The following PKP4 variants were observed in gnomAD, a reference collection of about 807,000 sequenced individuals.
The protein encoded by PKP4 is plakophilin 4.
In PKP4, 90 loss-of-function variants were observed where a neutral mutation model predicts 145.1. That is an observed-to-expected ratio of 0.62 (90% CI 0.52 to 0.74). The LOEUF (loss-of-function observed/expected upper bound fraction) is 0.74, where lower values mean the gene tolerates loss of function less well. Among genes scored for constraint, PKP4 ranks in the 30% least tolerant of loss-of-function variants. The pLI, the probability that PKP4 is intolerant of heterozygous loss-of-function variation, is 0.00. For missense variants in PKP4, 1,340 were observed against 1,482.7 expected (o/e 0.90, Z 1.58); for synonymous variants, 563 against 577.2 (o/e 0.98, Z 0.35).
chr2:158,492,938 C>A (rs897745443), intron 1 of PKP4, among the ~76,000 whole-genome samples: 1 of 151,976 alleles, frequency 6.6e-6, no homozygotes, highest in Non-Finnish European at 1.5e-5. Flanking sequence ...TTTATTTCCT[C>A]CCTACCTAAT....
At chr2:158,483,024 C>A (rs942639169) in intron 1 of PKP4, among the ~76,000 whole-genome samples, 1 of 151,952 alleles carries the variant, frequency 6.6e-6, no homozygotes, top group Admixed American at 6.6e-5. Context: ...ATGGCTAGGT[C>A]CTGAAATTTA....
At chr2:158,657,520 T>C (rs1374949871) in intron 11 of PKP4, among the ~76,000 whole-genome samples, 1 of 152,194 alleles carries the variant, frequency 6.6e-6, no homozygotes, top group Non-Finnish European at 1.5e-5. Context: ...AAAATTGAGA[T>C]AGAAGTGTTT....
At chr2:158,492,565 C>T (rs1695096366) in intron 1 of PKP4, among the ~76,000 whole-genome samples, 2 of 152,174 alleles carry the variant, frequency 1.3e-5, no homozygotes, top group Non-Finnish European at 2.9e-5. Flanking sequence ...TCCTGCCACC[C>T]TGCCCGGGCT....
At chr2:158,547,154 T>C (rs2045141904) in intron 2 of PKP4, among the ~76,000 whole-genome samples, 1 of 152,194 alleles carries the variant, frequency 6.6e-6, no homozygotes, top group Non-Finnish European at 1.5e-5. Flanking sequence ...ATTTACCCTA[T>C]GGCCCAGCAG....
At chr2:158,543,807 C>T (rs529381544) in intron 2 of PKP4, among the ~76,000 whole-genome samples, 1 of 152,158 alleles carries the variant, frequency 6.6e-6, no homozygotes, top group African/African-American at 2.4e-5. Context: ...ACTGAGAGAC[C>T]AGGGTAGTTC....
chr2:158,662,850 T>C (rs1427862600), intron 13 of PKP4, 47 bp from the exon 14 acceptor site: 2 of 1,504,342 alleles, frequency 1.3e-6, no homozygotes, highest in Non-Finnish European at 1.8e-6. Context: ...AGTGTTTTGC[T>C]CTAATGTGCC....
At chr2:158,484,743 G>A (rs925691818) in intron 1 of PKP4, among the ~76,000 whole-genome samples, 1 of 152,188 alleles carries the variant, frequency 6.6e-6, no homozygotes, top group Non-Finnish European at 1.5e-5. Context: ...TGGGTTGTTA[G>A]CCATGAAACT....
intron 1 of PKP4, among the ~76,000 whole-genome samples, chr2:158,463,771 C>G (rs574119130): frequency 7.2e-5 from 11 of 152,278 alleles, no homozygotes; most frequent in African/African-American, 2.6e-4. Context: ...ACAATTTACC[C>G]TCTGGGATAA....
Position 158,661,392 on chromosome 2 carries a change from T to A in PKP4, c.2153T>A (p.Val718Glu). The A allele has an allele frequency of 6.2e-7, 1 of 1,613,944 alleles. No individual in the cohort carries two copies. Among genetic ancestry groups the A allele is most frequent in the Non-Finnish European group, 8.5e-7 (1 of 1,179,864 alleles). ...RKQMRSCEGL[V>E]DSLLYVIHTC... ...CAAATGCGGTCCTGCGAGGGGCTGG[T>A]AGACTCACTGTTGTATGTGATCCAC... The change falls in exon 13 of 22, where the codon GTA (valine) becomes GAA (glutamate). Residue 718 changes from valine (V) to glutamate (E), a missense_variant. Coordinates refer to ENST00000389759, the MANE Select transcript of PKP4 (RefSeq NM_003628.6).
At chr2:158,516,856 T>G (rs1052379077) in intron 1 of PKP4, among the ~76,000 whole-genome samples, 5 of 151,890 alleles carry the variant, frequency 3.3e-5, no homozygotes, top group Admixed American at 6.6e-5. Flanking sequence ...AGAGACGGGA[T>G]TTCACTGTGT....
At position 158,625,015 on chromosome 2, in the gene PKP4, T is replaced by C. The variant is rs762346394; in HGVS notation, c.741T>C (p.Ser247=). ...CTTCTCTGGGTAGTGGATTTGGCTC[T>C]CCGTCAGTGACCGACCCCCGACCTC... ...LRTSLGSGFG[S]PSVTDPRPLN... is the part of the protein sequence containing the mutation. Residue 247 remains serine (S), a synonymous_variant, in exon 7 of 22, where the codon TCT becomes TCC. Transcript: ENST00000389759. The C allele has an allele frequency of 6.2e-6, 10 of 1,614,076 alleles. No homozygotes were observed. In the African/African-American group the frequency reaches 1.1e-4, roughly 17 times the overall value.
intron 3 of PKP4, among the ~76,000 whole-genome samples, chr2:158,595,158 TA>T (rs2049617000): frequency 1.3e-5 from 2 of 152,146 alleles, no homozygotes; most frequent in Admixed American, 6.5e-5. Flanking sequence ...GAGCAACAGA[TA>T]AAGGCCCTGT....
At chr2:158,487,051 T>TA (rs1433764024) in intron 1 of PKP4, among the ~76,000 whole-genome samples, 5 of 152,226 alleles carry the variant, frequency 3.3e-5, no homozygotes. Context: ...TATGAAACGT[T>TA]ACATCAGCAT....
intron 3 of PKP4, among the ~76,000 whole-genome samples, chr2:158,601,791 A>G (rs961191218): frequency 3.3e-5 from 5 of 152,268 alleles, no homozygotes; most frequent in Admixed American, 6.5e-5. Context: ...GGGAGTTTCT[A>G]TGGAATCTAG....
At chr2:158,529,805 G>C (rs1208590885) in intron 1 of PKP4, among the ~76,000 whole-genome samples, 1 of 152,158 alleles carries the variant, frequency 6.6e-6, no homozygotes. Context: ...ATTAGAGGCA[G>C]CTCATTACTG....
At chr2:158,497,476 G>A (rs1574111612) in intron 1 of PKP4, among the ~76,000 whole-genome samples, 1 of 152,028 alleles carries the variant, frequency 6.6e-6, no homozygotes, top group African/African-American at 2.4e-5. Flanking sequence ...TGATTTAGGA[G>A]TTATATTCTC....
At chr2:158,542,783 C>T (rs796107087) in intron 2 of PKP4, among the ~76,000 whole-genome samples, 4 of 151,584 alleles carry the variant, frequency 2.6e-5, no homozygotes, top group African/African-American at 7.3e-5. Context: ...CTACTACTAC[C>T]ACCACCACCA....
chr2:158,677,249 A>G (rs2058086751), intron 20 of PKP4: 1 of 315,560 alleles, frequency 3.2e-6, no homozygotes, highest in African/African-American at 2.2e-5. Context: ...CAGGGGCCAC[A>G]TCTTCTAGAC....
At chr2:158,620,511 T>G (rs2052115186) in intron 4 of PKP4, among the ~76,000 whole-genome samples, 1 of 152,024 alleles carries the variant, frequency 6.6e-6, no homozygotes, top group Non-Finnish European at 1.5e-5. Context: ...TTGTATAGAG[T>G]TCCTTTGACT....
Sources: gnomAD v4.1 joint callset for allele counts (sites outside exome capture counted in the v4.1 genomes callset) on GRCh38, gnomAD v4.1.1 for gene constraint, MANE v1.5 for transcripts, NCBI Gene and HGNC (gene_info 2026-07-23, HGNC 2026-07-21) for gene names.